The following UNC5A variants were observed in gnomAD, a reference collection of about 807,000 sequenced individuals.
UNC5A encodes the protein netrin receptor UNC5A.
In UNC5A, 20 loss-of-function variants were observed where a neutral mutation model predicts 87.4. The observed-to-expected ratio is 0.23, with a 90% confidence interval of 0.16 to 0.33. UNC5A has a LOEUF of 0.33. UNC5A is among the 10% of genes least tolerant of loss of function. The pLI, the probability that UNC5A is intolerant of heterozygous loss-of-function variation, is 1.00. For missense variants in UNC5A, 844 were observed against 1,133.4 expected, an observed-to-expected ratio of 0.74 and a Z score of 3.67; for synonymous variants, 438 against 482.3, an observed-to-expected ratio of 0.91 and a Z score of 1.20.
intron 1 of UNC5A, among the ~76,000 whole-genome samples, chr5:176,853,465 G>A (rs1757594087): frequency 3.9e-5 from 6 of 152,274 alleles, no homozygotes; most frequent in East Asian, 1.9e-4. Context: ...TGTCCTCCTC[G>A]TGACTCCTGT....
chr5:176,828,209 G>C (rs1246870625), intron 1 of UNC5A, among the ~76,000 whole-genome samples: 1 of 152,224 alleles, frequency 6.6e-6, no homozygotes, highest in Admixed American at 6.5e-5. Context: ...TAATTTGTCA[G>C]ACGCAGTGCG....
chr5:176,811,723 G>C (rs1031660855), intron 1 of UNC5A, among the ~76,000 whole-genome samples: 1 of 152,088 alleles, frequency 6.6e-6, no homozygotes, highest in African/African-American at 2.4e-5. Flanking sequence ...GCTGAGTTGA[G>C]CGTATGTGTC....
intron 1 of UNC5A, among the ~76,000 whole-genome samples, chr5:176,837,849 C>G (rs1757182897): frequency 6.6e-6 from 1 of 152,018 alleles, no homozygotes; most frequent in East Asian, 1.9e-4. Context: ...CGTGGACAGC[C>G]CCAGGCGCTC....
At chr5:176,870,908 C>A (rs553882167) in intron 6 of UNC5A, among the ~76,000 whole-genome samples, 1 of 141,198 alleles carries the variant, frequency 7.1e-6, no homozygotes, top group South Asian at 2.4e-4. Context: ...AGCTTCCCAT[C>A]TGCCCACGCT....
intron 1 of UNC5A, among the ~76,000 whole-genome samples, chr5:176,835,662 C>G (rs1662421845): frequency 6.6e-6 from 1 of 151,954 alleles, no homozygotes; most frequent in African/African-American, 2.4e-5. Flanking sequence ...TGGGTGTGAA[C>G]TCTTGTGCAC....
chr5:176,837,549 C>A (rs936409729), intron 1 of UNC5A, among the ~76,000 whole-genome samples: 1 of 152,170 alleles, frequency 6.6e-6, no homozygotes, highest in Non-Finnish European at 1.5e-5. Flanking sequence ...GACAGGGTCA[C>A]CATCAGGAAA....
At chr5:176,829,881 C>CTTTTTTTTTTTTTTTTTTTTTTTTTTTTT (rs70991576) in intron 1 of UNC5A, among the ~76,000 whole-genome samples, 1 of 87,320 alleles carries the variant, frequency 1.1e-5, no homozygotes, top group Non-Finnish European at 2.4e-5. Flanking sequence ...ATCACTGCTC[C>CTTTTTTTTTTTTTTTTTTTTTTTTTTTTT]TTTTTTTTTT....
At chr5:176,867,363 C>T (rs1757999879) in intron 2 of UNC5A, among the ~76,000 whole-genome samples, 1 of 152,138 alleles carries the variant, frequency 6.6e-6, no homozygotes, top group African/African-American at 2.4e-5. Flanking sequence ...AGCGGAGTCC[C>T]CCCAGCTCAC....
At chr5:176,837,196 A>C (rs1247162005) in intron 1 of UNC5A, among the ~76,000 whole-genome samples, 1 of 149,446 alleles carries the variant, frequency 6.7e-6, no homozygotes, top group Non-Finnish European at 1.5e-5. Flanking sequence ...CCCATACCTC[A>C]CTCTCACAGT....
At chr5:176,811,274 C>A (rs1278919867) in intron 1 of UNC5A, among the ~76,000 whole-genome samples, 1 of 152,218 alleles carries the variant, frequency 6.6e-6, no homozygotes, top group African/African-American at 2.4e-5. Flanking sequence ...CACTCACAAT[C>A]TCCCAGCTTG....
At position 176,816,809 on chromosome 5, in the gene UNC5A, C is replaced by A. The variant is rs7711646; in HGVS notation, c.70+5989C>A. 7.5e-3 allele frequency among the ~76,000 whole-genome samples: 1,136 copies of A among 152,374 alleles called. 11 individuals are homozygous for A. Among genetic ancestry groups the A allele is most frequent in the African/African-American group, 0.026 (1,067 of 41,590 alleles). On this transcript the variant is annotated intron_variant, in intron 1 of 14. Transcript: ENST00000329542. ...GCCATGGCAGAGGGCACTGTTCAGT[C>A]CTCTCCTTCGGGAAGTGGGGGAGTC... is the stretch of plus-strand genomic sequence containing the variant.
At chr5:176,845,786 CAGAG>C (rs1454642763) in intron 1 of UNC5A, among the ~76,000 whole-genome samples, 6 of 152,356 alleles carry the variant, frequency 3.9e-5, no homozygotes, top group African/African-American at 7.2e-5. Flanking sequence ...GATGGGGAGA[CAGAG>C]AGGGCCTCCT....
At chr5:176,879,217 TG>T in intron 13 of UNC5A, 92 bp from the exon 14 acceptor site, 1 of 1,438,296 alleles carries the variant, frequency 7.0e-7, no homozygotes, top group Non-Finnish European at 9.3e-7. Context: ...CCCCATGCTC[TG>T]GGGGAGTCTG....
rs752732030 is a variant in UNC5A, at chr5:176,870,374, C to T, written c.726C>T (p.Asp242=). 9 of 1,611,048 alleles carry T rather than the reference C, an allele frequency of 5.6e-6. No individual in the cohort carries two copies. The highest frequency in any genetic ancestry group is 1.7e-5 in the Admixed American group (1 of 59,948). The change falls in exon 6 of 15, where the codon GAC becomes GAT. Residue 242 remains aspartate, a synonymous_variant. Transcript: ENST00000329542. ...CTCTGCTTGTCTCTCATCTAGTGGA[C>T]GGCAGCTGGAGCCCGTGGAGCAAGT... is the stretch of plus-strand genomic sequence containing the variant. The part of the protein sequence containing the change: ...SASAAVIVYV[D]GSWSPWSKWS...
At chr5:176,876,859 G>T (rs773315912) in intron 8 of UNC5A, among the ~76,000 whole-genome samples, 9 of 152,234 alleles carry the variant, frequency 5.9e-5, no homozygotes, top group Non-Finnish European at 1.2e-4. Flanking sequence ...GGCAGGGAAG[G>T]TTTTAAGCAA....
intron 3 of UNC5A, 36 bp downstream of exon 3, chr5:176,868,309 G>A (rs750449170): frequency 1.1e-5 from 18 of 1,609,708 alleles, no homozygotes; most frequent in Admixed American, 3.4e-5. Flanking sequence ...GAGGGCGCAC[G>A]GCGGGAGGGT....
intron 1 of UNC5A, among the ~76,000 whole-genome samples, chr5:176,822,565 T>G (rs1394837432): frequency 6.6e-6 from 1 of 152,092 alleles, no homozygotes; most frequent in Non-Finnish European, 1.5e-5. Flanking sequence ...AGAGCCCGGG[T>G]GTGTCTCCAG....
intron 1 of UNC5A, among the ~76,000 whole-genome samples, chr5:176,818,660 A>G (rs551066982): frequency 2.0e-5 from 3 of 152,236 alleles, no homozygotes; most frequent in African/African-American, 7.2e-5. Flanking sequence ...CTCCCCCACC[A>G]CACACCACAC....
intron 1 of UNC5A, among the ~76,000 whole-genome samples, chr5:176,849,710 T>C (rs1461013461): frequency 6.7e-6 from 1 of 149,826 alleles, no homozygotes; most frequent in Non-Finnish European, 1.5e-5. Flanking sequence ...CTACATCTCC[T>C]GAGGTCCAGA....
Sources: allele counts gnomAD v4.1 joint callset (sites outside exome capture counted in the v4.1 genomes callset), GRCh38; gene constraint gnomAD v4.1.1; transcripts MANE v1.5; gene names NCBI Gene and HGNC (gene_info 2026-07-23, HGNC 2026-07-21).